The following FAM163B variants were observed in gnomAD, a reference collection of about 807,000 sequenced individuals.
The protein encoded by FAM163B is family with sequence similarity 163 member B, also known as protein FAM163B.
Under a neutral mutation model 7.6 loss-of-function variants are expected in FAM163B, and 4 were observed. That is an observed-to-expected ratio of 0.52 (90% CI 0.26 to 1.20). The LOEUF is 1.20. Among genes scored for constraint, FAM163B ranks in the 50% most tolerant of loss-of-function variants. FAM163B has a pLI of 0.14. For synonymous variants in FAM163B, 120 were observed against 111.6 expected (o/e 1.07, Z -0.47); for missense variants, 250 against 243.0 (o/e 1.03, Z -0.19).
chr9:133,580,007 C>A, intron 2 of FAM163B, 124 bp downstream of exon 2: 1 of 773,220 alleles, frequency 1.3e-6, no homozygotes, highest in South Asian at 1.6e-5. Flanking sequence ...GTCTTCTCTG[C>A]CACAGGGCTC....
At position 133,605,654 on chromosome 9, in the gene FAM163B, A is replaced by G. The variant is rs565348894; in HGVS notation, c.-24+3423T>C. On this transcript the variant is annotated intron_variant, in intron 1 of 2. Coordinates refer to ENST00000673969, the MANE Select transcript of FAM163B (RefSeq NM_001080515.3). ...AGCCCAGTGGGATGATGGCTCTGACACTGAGCTGCTGCTGAAACAACAGTC... is the reference window on the plus strand; with the variant it reads ...AGCCCAGTGGGATGATGGCTCTGACGCTGAGCTGCTGCTGAAACAACAGTC... Among the ~76,000 whole-genome samples, 185 of 152,272 alleles carry G rather than the reference A, an allele frequency of 1.2e-3. 1 individual carries two copies. The highest frequency in any genetic ancestry group is 3.4e-3 in the Middle Eastern group (1 of 294).
chr9:133,581,739 A>G (rs1223280582), intron 1 of FAM163B, among the ~76,000 whole-genome samples: 1 of 152,056 alleles, frequency 6.6e-6, no homozygotes, highest in East Asian at 1.9e-4. Context: ...ATGCTCCTTT[A>G]TCAGTGTTTC....
intron 1 of FAM163B, among the ~76,000 whole-genome samples, chr9:133,607,124 A>T (rs1446036351): frequency 6.6e-6 from 1 of 151,914 alleles, no homozygotes; most frequent in Non-Finnish European, 1.5e-5. Flanking sequence ...GAGGAACTGC[A>T]CTCCTCCCAG....
At chr9:133,589,777 G>A (rs1163508016) in intron 1 of FAM163B, among the ~76,000 whole-genome samples, 1 of 152,136 alleles carries the variant, frequency 6.6e-6, no homozygotes, top group African/African-American at 2.4e-5. Flanking sequence ...CCAGGGGGCG[G>A]GAACAGCAGC....
chr9:133,586,782 CA>C (rs1831445296), intron 1 of FAM163B, among the ~76,000 whole-genome samples: 1 of 152,160 alleles, frequency 6.6e-6, no homozygotes. Context: ...TGATGGGGAG[CA>C]GTGGGTCCCT....
At chr9:133,593,872 T>C (rs1396964695) in intron 1 of FAM163B, among the ~76,000 whole-genome samples, 1 of 152,128 alleles carries the variant, frequency 6.6e-6, no homozygotes, top group Non-Finnish European at 1.5e-5. Flanking sequence ...TGGCCTCTCC[T>C]TGGAATTTCC....
chr9:133,598,447 T>A (rs1831663339), intron 1 of FAM163B, among the ~76,000 whole-genome samples: 1 of 151,020 alleles, frequency 6.6e-6, no homozygotes, highest in Non-Finnish European at 1.5e-5. Flanking sequence ...ATATATAATG[T>A]CTATTTTAGC....
At position 133,602,602 on chromosome 9, in the gene FAM163B, GT is replaced by G. The variant is rs564580967; in HGVS notation, c.-24+6474del. ...GTTCAAGACTCTGTGTTGGAAAACA[GT>G]TTTTTTTTTTAAATAGAGATCTGTT... On this transcript the variant is annotated intron_variant, in intron 1 of 2. Coordinates refer to ENST00000673969, the MANE Select transcript of FAM163B (RefSeq NM_001080515.3). Among the ~76,000 whole-genome samples, 46 of 148,514 alleles carry G rather than the reference GT, an allele frequency of 3.1e-4. 1 individual carries two copies. Among genetic ancestry groups the G allele is most frequent in the East Asian group, 2.2e-3 (11 of 5,086 alleles).
rs1488915596 is a variant in FAM163B, at chr9:133,600,256, GGTCT to G, written c.-24+8817_-24+8820del. Among the ~76,000 whole-genome samples the G allele has an allele frequency of 1.4e-4, 13 of 90,862 alleles. No individual in the cohort carries two copies. Among genetic ancestry groups the G allele is most frequent in the Non-Finnish European group, 2.2e-4 (10 of 46,250 alleles). The allele number at this position is 90,862 out of a possible 152,430, so 59.6% of individuals were successfully genotyped here. On this transcript the variant is annotated intron_variant, in intron 1 of 2. Transcript: ENST00000673969. The surrounding 1 kb of genome is among the most constrained non-coding windows in gnomAD (Gnocchi z 4.9). ...GGTCTGTGTGCATGTGTGTGAGTGTGGTCTGTGTGTGTGTGTGTGTGTGTGTGTG... is the reference window on the plus strand; with the variant it reads ...GGTCTGTGTGCATGTGTGTGAGTGTGGTGTGTGTGTGTGTGTGTGTGTGTG...
At chr9:133,583,430 G>T (rs1831384944) in intron 1 of FAM163B, among the ~76,000 whole-genome samples, 1 of 152,164 alleles carries the variant, frequency 6.6e-6, no homozygotes. Context: ...CTTTGCCTCT[G>T]GTTAGCTGCA....
At chr9:133,589,375 CA>C (rs1564193039) in intron 1 of FAM163B, among the ~76,000 whole-genome samples, 2 of 152,192 alleles carry the variant, frequency 1.3e-5, no homozygotes, top group Admixed American at 6.5e-5. Flanking sequence ...GACAAGGAAA[CA>C]AGAGAGCCAA....
At chr9:133,581,255 C>T (rs1418463091) in intron 1 of FAM163B, among the ~76,000 whole-genome samples, 2 of 151,968 alleles carry the variant, frequency 1.3e-5, no homozygotes, top group Non-Finnish European at 2.9e-5. Flanking sequence ...TGGCCAGTTT[C>T]AGTTCAAGCA....
intron 1 of FAM163B, among the ~76,000 whole-genome samples, chr9:133,587,641 C>A (rs2131230454): frequency 6.6e-6 from 1 of 152,240 alleles, no homozygotes; most frequent in Non-Finnish European, 1.5e-5. Context: ...CCCCACCAGG[C>A]AGGGTGTGGG....
In FAM163B at chr9:133,609,279, G is replaced by A. The variant is rs1831824812; in HGVS notation, c.-226C>T. On this transcript the variant is annotated 5_prime_UTR_variant, in exon 1 of 3. Coordinates refer to ENST00000673969, the MANE Select transcript of FAM163B (RefSeq NM_001080515.3). ...CCCGGGGAGGCGACTGCGTGCCCAG[G>A]CGGGCACCCCTGCCAGCTCCGCGCT... is the stretch of plus-strand genomic sequence containing the variant. 6.7e-6 allele frequency among the ~76,000 whole-genome samples: 1 copy of A among 150,298 alleles called. No homozygotes were observed. The highest frequency in any genetic ancestry group is 2.4e-5 in the African/African-American group (1 of 41,248).
In FAM163B at chr9:133,578,259, CACGTTGCCTCT is replaced by C. The variant is rs1831283599; in HGVS notation, c.*752_*762del. On this transcript the variant is annotated 3_prime_UTR_variant, in exon 3 of 3. Transcript: ENST00000673969. ...GCTGAGCACTGGGTCTATACATTTC[CACGTTGCCTCT>C]CCCACGGCAGGGGGACTGCGACATG... Among the ~76,000 whole-genome samples, 1 of 152,174 alleles carries C rather than the reference CACGTTGCCTCT, an allele frequency of 6.6e-6. No individual in the cohort carries two copies.
Position 133,579,179 on chromosome 9 carries a change from A to G in FAM163B, c.344T>C (p.Leu115Pro), listed in dbSNP as rs377564199. The G allele has an allele frequency of 8.7e-5, 141 of 1,611,846 alleles. 2 individuals are homozygous for G. Among genetic ancestry groups the G allele is most frequent in the East Asian group, 8.5e-4 (38 of 44,870 alleles). Residue 115 changes from leucine (L) to proline (P), a missense_variant, in exon 3 of 3, where the codon CTG (leucine) becomes CCG (proline). Physicochemically the swap from Leu to Pro is moderately conservative, Grantham distance 98. Coordinates refer to ENST00000673969, the MANE Select transcript of FAM163B (RefSeq NM_001080515.3). The stretch of plus-strand genomic sequence containing the variant: ...GTAGAGCACGCGCTCCCCGCCGTTC[A>G]GCACGTCCTCTTCCTCCTCCGGCGG... ...QEPPEEEEDV[L>P]NGGERVLYKS...
intron 1 of FAM163B, chr9:133,586,089 C>A (rs1260019302): frequency 6.6e-6 from 1 of 152,240 alleles, no homozygotes; most frequent in Non-Finnish European, 1.5e-5. Flanking sequence ...CTCCCAGATG[C>A]CTGCGTTCAG....
rs1475855404 is a variant in FAM163B, at chr9:133,578,973, C to T, written c.*49G>A. ...CAGGTGGGTGTGCCAAAGGAATCCC[C>T]CCATTGTCTCAGGACCTTCAAGGCC... On this transcript the variant is annotated 3_prime_UTR_variant, in exon 3 of 3. Coordinates refer to ENST00000673969, the MANE Select transcript of FAM163B (RefSeq NM_001080515.3). 2.5e-5 allele frequency: 36 copies of T among 1,451,258 alleles called. No homozygotes were observed. The South Asian group carries it at 4.6e-4, about 19-fold the overall frequency. 89.9% of individuals were successfully genotyped at this position (1,451,258 alleles called of 1,614,324 possible). A position where few individuals can be genotyped will look rare whatever the true frequency, so the allele number is the denominator to read the frequency against.
rs1306708644 is a variant in FAM163B, at chr9:133,606,304, G to A, written c.-24+2773C>T. Among the ~76,000 whole-genome samples, 7 of 152,216 alleles carry A rather than the reference G, an allele frequency of 4.6e-5. No homozygotes were observed. Among genetic ancestry groups the A allele is most frequent in the African/African-American group, 1.7e-4 (7 of 41,456 alleles). On this transcript the variant is annotated intron_variant, in intron 1 of 2. Transcript: ENST00000673969. The surrounding 1 kb of genome is among the most constrained non-coding windows in gnomAD (Gnocchi z 4.0). ...AAGCGGGGATTGGGCCAAGGCCTGC[G>A]GGAGGATTCAGCAACGGAGGGAGGG...
Sources: gnomAD v4.1 joint callset for allele counts (sites outside exome capture counted in the v4.1 genomes callset) on GRCh38, gnomAD v4.1.1 for gene constraint, Gnocchi (gnomAD v3.1) non-coding constraint, MANE v1.5 for transcripts, NCBI Gene and HGNC (gene_info 2026-07-23, HGNC 2026-07-21) for gene names.